Variants in TBC1D5 observed in about 807,000 individuals in gnomAD.
The protein encoded by TBC1D5 is TBC1 domain family, member 5.
Under a neutral mutation model 100.3 loss-of-function variants are expected in TBC1D5, and 75 were observed. The observed-to-expected ratio is 0.75, with a 90% CI of 0.62 to 0.91. The LOEUF (loss-of-function observed/expected upper bound fraction) is 0.91. TBC1D5 is among the 40% of genes least tolerant of loss of function. The pLI is 0.00. For missense variants in TBC1D5, 910 were observed against 942.4 expected (o/e 0.97, Z 0.45); for synonymous variants, 323 against 325.6 (o/e 0.99, Z 0.09).
intron 13 of TBC1D5, among the ~76,000 whole-genome samples, chr3:17,329,140 T>C (rs568049314): frequency 6.6e-6 from 1 of 152,342 alleles, no homozygotes; most frequent in African/African-American, 2.4e-5. Flanking sequence ...AGACTTCTGA[T>C]GCTAGAATGA....
chr3:17,190,390 T>C (rs976169682), intron 18 of TBC1D5, among the ~76,000 whole-genome samples: 1 of 152,202 alleles, frequency 6.6e-6, no homozygotes, highest in Non-Finnish European at 1.5e-5. Context: ...GGAGGTTTTC[T>C]AGTGTTTTTG....
intron 14 of TBC1D5, among the ~76,000 whole-genome samples, chr3:17,298,427 A>G (rs1384338709): frequency 6.6e-6 from 1 of 152,230 alleles, no homozygotes; most frequent in Non-Finnish European, 1.5e-5. Context: ...GGTAGGGCTG[A>G]TAATAATGAT....
Position 17,404,717 on chromosome 3 carries a change from T to TA in TBC1D5, c.417dup (p.Asn140Ter). The TA allele has an allele frequency of 6.2e-7, 1 of 1,607,192 alleles. No individual in the cohort carries two copies. The highest frequency in any genetic ancestry group is 8.5e-7 in the Non-Finnish European group (1 of 1,177,122). On this transcript the variant is annotated frameshift_variant, in exon 7 of 22. Coordinates refer to ENST00000253692, the Ensembl canonical transcript of TBC1D5. LOFTEE classifies it high-confidence loss of function. ...ACCCCTTCATCCTGTGAAAGAGGAT[T>TA]ATTGATCATCAAATCTTGTTGGCCA...
chr3:17,373,291 G>A (rs561580936), intron 12 of TBC1D5, among the ~76,000 whole-genome samples: 126 of 152,206 alleles, frequency 8.3e-4, no homozygotes, highest in African/African-American at 2.9e-3. Context: ...ATGGAATGAA[G>A]TGACTGAGTA....
At chr3:17,294,642 C>T (rs765339019) in intron 14 of TBC1D5, among the ~76,000 whole-genome samples, 8 of 152,178 alleles carry the variant, frequency 5.3e-5, no homozygotes, top group African/African-American at 7.2e-5. Context: ...TTCTATCCAT[C>T]CATCCAGTCA....
intron 2 of TBC1D5, among the ~76,000 whole-genome samples, chr3:17,616,003 CTGCTTTCTCT>C (rs1434404856): frequency 1.3e-5 from 2 of 152,130 alleles, no homozygotes; most frequent in Admixed American, 6.6e-5. Flanking sequence ...CAGATCTTTC[CTGCTTTCTCT>C]TGTGGGCATT....
intron 19 of TBC1D5, among the ~76,000 whole-genome samples, chr3:17,177,103 A>AAAAAAAT (rs1292182741): frequency 6.6e-6 from 1 of 152,246 alleles, no homozygotes; most frequent in Non-Finnish European, 1.5e-5. Flanking sequence ...TGGACTTGGT[A>AAAAAAAT]TTAAATTTTT....
chr3:17,556,736 G>C (rs984568676), intron 2 of TBC1D5, among the ~76,000 whole-genome samples: 1 of 152,026 alleles, frequency 6.6e-6, no homozygotes. Context: ...AATTTACTTA[G>C]GAAAACTTTC....
At chr3:17,719,303 T>C (rs952314094) in intron 1 of TBC1D5, among the ~76,000 whole-genome samples, 10 of 152,314 alleles carry the variant, frequency 6.6e-5, no homozygotes, top group African/African-American at 2.2e-4. Context: ...ATTTAGTATC[T>C]GAAAAATGAA....
intron 2 of TBC1D5, among the ~76,000 whole-genome samples, chr3:17,604,108 CCTAG>C (rs1056731119): frequency 1.3e-5 from 2 of 151,948 alleles, no homozygotes; most frequent in Non-Finnish European, 1.5e-5. Context: ...CACCACCATA[CCTAG>C]CTAATTTCTT....
Position 17,591,272 on chromosome 3 carries a change from A to AC in TBC1D5, c.-36+32576dup, listed in dbSNP as rs2096770007. ...AAAAAAAAAAAAAAAAAAAACAAAA[A>AC]CCCCAGAGAATCATGGCCCCTCAAT... is the stretch of plus-strand genomic sequence containing the variant. On this transcript the variant is annotated intron_variant, in intron 2 of 21. Transcript: ENST00000253692. Among the ~76,000 whole-genome samples, 38 of 143,824 alleles carry AC rather than the reference A, an allele frequency of 2.6e-4. 1 individual carries two copies. The highest frequency in any genetic ancestry group is 7.4e-4 in the African/African-American group (28 of 38,054). The allele number at this position is 143,824 out of a possible 152,430, so 94.4% of individuals were successfully genotyped here. A position where few individuals can be genotyped will look rare whatever the true frequency, so the allele number is the denominator to read the frequency against.
At chr3:17,543,395 G>T (rs2096378871) in intron 2 of TBC1D5, among the ~76,000 whole-genome samples, 3 of 152,196 alleles carry the variant, frequency 2.0e-5, no homozygotes, top group African/African-American at 7.2e-5. Flanking sequence ...CACCGTGGGA[G>T]GCCAAGGTGG....
intron 15 of TBC1D5, among the ~76,000 whole-genome samples, chr3:17,260,359 A>G (rs1270504711): frequency 6.6e-6 from 1 of 152,226 alleles, no homozygotes; most frequent in Non-Finnish European, 1.5e-5. Context: ...AAACATCTTT[A>G]TAAAGAAATG....
At chr3:17,395,106 G>T (rs1197712365) in intron 8 of TBC1D5, among the ~76,000 whole-genome samples, 2 of 151,970 alleles carry the variant, frequency 1.3e-5, no homozygotes, top group Non-Finnish European at 2.9e-5. Flanking sequence ...GGGCGGTTTG[G>T]GATGACAGGA....
At chr3:17,660,593 G>GA (rs1295340564) in intron 1 of TBC1D5, among the ~76,000 whole-genome samples, 3 of 152,140 alleles carry the variant, frequency 2.0e-5, no homozygotes, top group Non-Finnish European at 4.4e-5. Flanking sequence ...TTCCCTACTG[G>GA]AACTGAAGAA....
In TBC1D5 at chr3:17,296,109, C is replaced by T. The variant is rs1310679391; in HGVS notation, c.1139-4108G>A. 6.6e-5 allele frequency among the ~76,000 whole-genome samples: 10 copies of T among 151,972 alleles called. No homozygotes were observed. In the South Asian group the frequency reaches 1.2e-3, roughly 19 times the overall value. ...TGAAAAAAGTCCTCAGTGTCAAAGG[C>T]CAAGAATAGCAAATATTTAGAAATA... is the stretch of plus-strand genomic sequence containing the variant. On this transcript the variant is annotated intron_variant, in intron 14 of 21. Coordinates refer to ENST00000253692, the Ensembl canonical transcript of TBC1D5.
chr3:17,470,940 T>C (rs750893375), intron 3 of TBC1D5, among the ~76,000 whole-genome samples: 21 of 152,028 alleles, frequency 1.4e-4, no homozygotes, highest in Admixed American at 6.6e-4. Context: ...GTGATTTTTG[T>C]GACATGAACT....
Position 17,679,415 on chromosome 3 carries a change from A to C in TBC1D5, c.-100-55502T>G, listed in dbSNP as rs539711907. On this transcript the variant is annotated intron_variant, in intron 1 of 21. Transcript: ENST00000253692. ...CAATTTTAACGCATTTATTATTATTATTCTAAAAAATGAAACTTCAATATT... is the reference window on the plus strand; with the variant it reads ...CAATTTTAACGCATTTATTATTATTCTTCTAAAAAATGAAACTTCAATATT... Among the ~76,000 whole-genome samples, 11 of 151,622 alleles carry C rather than the reference A, an allele frequency of 7.3e-5. No individual in the cohort carries two copies. The South Asian group carries it at 2.3e-3, about 31-fold the overall frequency.
intron 2 of TBC1D5, among the ~76,000 whole-genome samples, chr3:17,541,573 G>T (rs2096357652): frequency 6.6e-6 from 1 of 152,088 alleles, no homozygotes; most frequent in Non-Finnish European, 1.5e-5. Context: ...CATTCACTAG[G>T]TTTAACACAT....
Sources: gnomAD v4.1 joint callset for allele counts (sites outside exome capture counted in the v4.1 genomes callset) on GRCh38, gnomAD v4.1.1 for gene constraint, MANE v1.5 for transcripts, NCBI Gene and HGNC (gene_info 2026-07-23, HGNC 2026-07-21) for gene names.